The following RTL4 variants were observed in gnomAD, a reference collection of about 807,000 sequenced individuals.
RTL4 encodes retrotransposon Gag like 4, also known as retrotransposon Gag-like protein 4.
A neutral mutation model predicts 5.3 loss-of-function variants in RTL4; 4 were observed. That is an observed-to-expected ratio of 0.75 (90% CI 0.37 to 1.72). RTL4 has a LOEUF of 1.72. RTL4 is among the 40% of genes most tolerant of loss of function. The pLI is 0.04. For synonymous variants in RTL4, 98 were observed against 87.3 expected, an observed-to-expected ratio of 1.12 and a Z score of -0.68; for missense variants, 260 against 227.1, an observed-to-expected ratio of 1.14 and a Z score of -0.93.
chrX:112,233,118 G>C, the RTL4 span, among the ~76,000 whole-genome samples: 400 of 111,785 alleles, frequency 3.6e-3, 3 homozygotes, highest in African/African-American at 0.012. Context: ...GGGGAGAACA[G>C]GCTTCATCTC....
chrX:112,275,784 G>C, the RTL4 span, among the ~76,000 whole-genome samples: 1 of 110,934 alleles, frequency 9.0e-6, no homozygotes, highest in East Asian at 2.8e-4. Flanking sequence ...AAAAAATGAA[G>C]ATTAGCCAGA....
the RTL4 span, among the ~76,000 whole-genome samples, chrX:112,130,416 A>G: frequency 2.7e-5 from 3 of 109,288 alleles, no homozygotes; most frequent in African/African-American, 1.0e-4. Context: ...AAAATCTCAG[A>G]CCCTTTACTT....
At chrX:112,302,339 G>A in the RTL4 span, among the ~76,000 whole-genome samples, 16 of 110,200 alleles carry the variant, frequency 1.5e-4, no homozygotes, top group East Asian at 1.7e-3. Context: ...TGGCACATGC[G>A]TTGTGTGATA....
chrX:112,291,248 T>G, the RTL4 span, among the ~76,000 whole-genome samples: 1 of 110,476 alleles, frequency 9.1e-6, no homozygotes, highest in Non-Finnish European at 1.9e-5. Flanking sequence ...AACATTTCCT[T>G]CCTCTCAGTT....
chrX:112,101,452 G>A, the RTL4 span, among the ~76,000 whole-genome samples: 2 of 111,189 alleles, frequency 1.8e-5, no homozygotes, highest in Non-Finnish European at 3.8e-5. Flanking sequence ...CATGAAGGTA[G>A]AAGAGGCAAA....
At chrX:112,151,252 T>C in the RTL4 span, among the ~76,000 whole-genome samples, 4 of 112,300 alleles carry the variant, frequency 3.6e-5, no homozygotes, top group Non-Finnish European at 7.5e-5. Flanking sequence ...TTATTTTTTG[T>C]CTAGAAGCTT....
chrX:112,367,867 T>C, the RTL4 span, among the ~76,000 whole-genome samples: 1 of 111,881 alleles, frequency 8.9e-6, no homozygotes. Context: ...TCTAAGTTAA[T>C]AAGTTATCCA....
At chrX:112,196,962 G>A in the RTL4 span, among the ~76,000 whole-genome samples, 1 of 109,784 alleles carries the variant, frequency 9.1e-6, no homozygotes, top group Admixed American at 9.6e-5. Context: ...CAGCAATGAG[G>A]TGATATCTCA....
chrX:112,305,394 G>A, the RTL4 span, among the ~76,000 whole-genome samples: 7 of 106,772 alleles, frequency 6.6e-5, no homozygotes, highest in East Asian at 2.9e-4. Context: ...ACAGAGTCTC[G>A]TTCTGTCACC....
the RTL4 span, among the ~76,000 whole-genome samples, chrX:112,090,544 A>G: frequency 1.8e-5 from 2 of 111,192 alleles, no homozygotes; most frequent in Non-Finnish European, 3.8e-5. Context: ...TATCACATTG[A>G]TATTAATAGA....
chrX:112,410,669 A>G, the RTL4 span, among the ~76,000 whole-genome samples: 1 of 111,874 alleles, frequency 8.9e-6, no homozygotes, highest in Admixed American at 9.5e-5. Context: ...GGAAATTTAA[A>G]AATTTATTGA....
At chrX:112,411,754 A>G in the RTL4 span, among the ~76,000 whole-genome samples, 4 of 111,532 alleles carry the variant, frequency 3.6e-5, no homozygotes, top group Non-Finnish European at 1.9e-5. Flanking sequence ...ATCATACTAA[A>G]TGGGGAAAAT....
the RTL4 span, among the ~76,000 whole-genome samples, chrX:112,229,857 C>T: frequency 2.7e-5 from 3 of 111,767 alleles, no homozygotes; most frequent in Non-Finnish European, 3.8e-5. Flanking sequence ...ATTGGTGAAC[C>T]GCAAATGCTG....
At chrX:112,254,697 G>C in the RTL4 span, among the ~76,000 whole-genome samples, 5 of 110,744 alleles carry the variant, frequency 4.5e-5, no homozygotes, top group African/African-American at 1.6e-4. Flanking sequence ...GTTGTCCTAA[G>C]TTGAGGAAAC....
At chrX:112,296,839 G>A in the RTL4 span, among the ~76,000 whole-genome samples, 7 of 106,679 alleles carry the variant, frequency 6.6e-5, no homozygotes, top group African/African-American at 2.4e-4. Flanking sequence ...GGATGGTCTC[G>A]ATCTCCTGAC....
the RTL4 span, among the ~76,000 whole-genome samples, chrX:112,191,254 T>C: frequency 8.9e-6 from 1 of 111,771 alleles, no homozygotes; most frequent in African/African-American, 3.3e-5. Context: ...GATACTTCCC[T>C]CCCATAAAAA....
At chrX:112,387,187 A>C in the RTL4 span, among the ~76,000 whole-genome samples, 12 of 108,115 alleles carry the variant, frequency 1.1e-4, no homozygotes, top group Non-Finnish European at 1.9e-4. Flanking sequence ...TCCTTAGCCC[A>C]CTTTTTGATT....
At chrX:112,194,503 T>A in the RTL4 span, among the ~76,000 whole-genome samples, 1 of 112,069 alleles carries the variant, frequency 8.9e-6, no homozygotes, top group Admixed American at 9.5e-5. Context: ...CACCCTGATC[T>A]TGGACTTCCA....
At chrX:112,176,363 G>A in the RTL4 span, among the ~76,000 whole-genome samples, 8 of 111,699 alleles carry the variant, frequency 7.2e-5, no homozygotes, top group Non-Finnish European at 1.3e-4. Flanking sequence ...AATTCTCAGA[G>A]CATTAGTAAG....
Sources: gnomAD v4.1 joint callset for allele counts (sites outside exome capture counted in the v4.1 genomes callset) on GRCh38, gnomAD v4.1.1 for gene constraint, MANE v1.5 for transcripts, NCBI Gene and HGNC (gene_info 2026-07-23, HGNC 2026-07-21) for gene names.